IL2RB: variants seen among roughly 807,000 people sequenced by gnomAD.
IL2RB encodes interleukin-2 receptor subunit beta.
In IL2RB, 17 loss-of-function variants were observed where a neutral mutation model predicts 44.2. The observed-to-expected ratio is 0.38, with a 90% CI of 0.26 to 0.58. The LOEUF (loss-of-function observed/expected upper bound fraction) is 0.58, where lower values mean the gene tolerates loss of function less well. IL2RB is among the 20% of genes least tolerant of loss of function. IL2RB has a pLI of 0.63. For synonymous variants in IL2RB, 286 were observed against 297.9 expected (o/e 0.96, Z 0.41); for missense variants, 624 against 685.5 (o/e 0.91, Z 1.00).
At chr22:37,159,726 G>A (rs963621) in intron 1 of IL2RB, among the ~76,000 whole-genome samples, 64,420 of 151,982 alleles carry the variant, frequency 0.42, 13,997 homozygotes, top group East Asian at 0.61. Flanking sequence ...CAGAACGAAG[G>A]GGCTGAACTG....
chr22:37,157,837 G>A (rs115787516), intron 1 of IL2RB, among the ~76,000 whole-genome samples: 2 of 152,042 alleles, frequency 1.3e-5, no homozygotes, highest in South Asian at 2.1e-4. Context: ...CCTGACATAC[G>A]GACAGTGTCA....
chr22:37,159,901 C>A (rs1922802678), intron 1 of IL2RB, among the ~76,000 whole-genome samples: 1 of 152,234 alleles, frequency 6.6e-6, no homozygotes, highest in South Asian at 2.1e-4. Context: ...CAGCCCAAAG[C>A]CTTCTCCACC....
chr22:37,137,867 C>G, intron 5 of IL2RB, 132 bp from the exon 6 acceptor site: 2 of 720,068 alleles, frequency 2.8e-6, no homozygotes. Context: ...AGGACCCGCT[C>G]CCTCACTGCC....
At chr22:37,136,419 GCC>G (rs1921702620) in intron 6 of IL2RB, 26 bp from the exon 7 acceptor site, 1 of 1,589,652 alleles carries the variant, frequency 6.3e-7, no homozygotes, top group East Asian at 2.3e-5. Context: ...GACTGTCAGC[GCC>G]CACCTCACCT....
At chr22:37,170,352 C>T (rs2145743552) in intron 1 of IL2RB, among the ~76,000 whole-genome samples, 1 of 152,210 alleles carries the variant, frequency 6.6e-6, no homozygotes, top group East Asian at 1.9e-4. Flanking sequence ...AGGTGCAGGT[C>T]CCAAGACCTA....
intron 2 of IL2RB, 81 bp from the exon 3 acceptor site, chr22:37,143,716 G>A: frequency 2.0e-6 from 2 of 979,390 alleles, no homozygotes; most frequent in Non-Finnish European, 3.3e-6. Context: ...CCTGCACCTG[G>A]CACCCACACC....
rs202199075 is a variant in IL2RB at position 37,128,324 on chromosome 22, G to C, written c.1428C>G (p.Thr476=). 3.5e-4 allele frequency: 530 copies of C among 1,504,244 alleles called. 4 individuals carry two copies. The East Asian group carries it at 0.012, about 35-fold the overall frequency. The allele number at this position is 1,504,244 out of a possible 1,614,324, so 93.2% of individuals were successfully genotyped here. ...AATCCACCAGGTCTGGGACTCCTGG[G>C]GTGGGAGGCCCCAGGGGCTGGGGGT... ...DWDPQPLGPP[T]PGVPDLVDFQ... Residue 476 remains threonine, a synonymous_variant, in exon 10 of 10, where the codon ACC becomes ACG. Coordinates refer to ENST00000216223, the MANE Select transcript of IL2RB (RefSeq NM_000878.5). This position sits in a 1 kb window ranked among gnomAD's most constrained non-coding sequence, Gnocchi z 4.5.
At chr22:37,135,230 G>A in intron 8 of IL2RB, 98 bp downstream of exon 8, 1 of 784,050 alleles carries the variant, frequency 1.3e-6, no homozygotes, top group Non-Finnish European at 2.2e-6. Context: ...GTGTGTGTGT[G>A]TGTATGTGTG....
chr22:37,142,573 G>A (rs1427873904), intron 3 of IL2RB, 61 bp from the exon 4 acceptor site: 1 of 1,525,602 alleles, frequency 6.6e-7, no homozygotes, highest in Non-Finnish European at 9.1e-7. Flanking sequence ...TGGCCCAAGG[G>A]ACTCTTCTCA....
In IL2RB at chr22:37,128,573, A is replaced by G; in HGVS notation, c.1179T>C (p.Asp393=). 1.2e-6 allele frequency: 2 copies of G among 1,614,010 alleles called. No individual in the cohort carries two copies. Among genetic ancestry groups the G allele is most frequent in the Non-Finnish European group, 1.7e-6 (2 of 1,179,918 alleles). The change falls in exon 10 of 10, where the codon GAT becomes GAC. Residue 393 remains aspartate, a synonymous_variant. Transcript: ENST00000216223. This position sits in a 1 kb window ranked among gnomAD's most constrained non-coding sequence, Gnocchi z 4.5. ...CTGTGGGTGCCCCGGCCACACCCTC[A>G]TCAGGGTCTTCCTCTGAGTAGGGGT... ...TYDPYSEEDP[D]EGVAGAPTGS...
intron 5 of IL2RB, among the ~76,000 whole-genome samples, 199 bp from the exon 6 acceptor site, chr22:37,137,934 C>T (rs1206922830): frequency 6.6e-6 from 1 of 152,136 alleles, no homozygotes; most frequent in Non-Finnish European, 1.5e-5. Context: ...CCACTCACCA[C>T]TCTGCATCCC....
chr22:37,128,946 G>A lies in IL2RB; in HGVS notation c.904-98C>T. 1 of 1,389,384 alleles carries A rather than the reference G, an allele frequency of 7.2e-7. No homozygotes were observed. The highest frequency in any genetic ancestry group is 1.4e-5 in the African/African-American group (1 of 69,356). The allele number at this position is 1,389,384 out of a possible 1,614,324, so 86.1% of individuals were successfully genotyped here. On this transcript the variant is annotated intron_variant, in intron 9 of 9. Coordinates refer to ENST00000216223, the MANE Select transcript of IL2RB (RefSeq NM_000878.5). The surrounding 1 kb of genome is among the most constrained non-coding windows in gnomAD (Gnocchi z 4.5). The stretch of plus-strand genomic sequence containing the variant: ...ACAGCTCCTAACTCCTCCTCCTCCT[G>A]AAGCAGTTGGCCCAGGGCTGCCCCA...
intron 6 of IL2RB, among the ~76,000 whole-genome samples, chr22:37,136,938 T>C (rs1921736884): frequency 6.6e-6 from 1 of 152,236 alleles, no homozygotes; most frequent in Admixed American, 6.5e-5. Flanking sequence ...CAAGGGGCCT[T>C]CCCTGGTCAC....
chr22:37,150,681 C>T (rs1236045422), upstream of IL2RB, among the ~76,000 whole-genome samples: 1 of 152,078 alleles, frequency 6.6e-6, no homozygotes, highest in African/African-American at 2.4e-5. Flanking sequence ...CTTATTCATT[C>T]GATCTAATTC....
rs182346832 is a variant in IL2RB, at chr22:37,157,739, A to G, written c.-33-13534T>C. ...AGCCAGTTACCATATCTCATGTCAG[A>G]GCCTTGCTTATGAGTCTACACCAGG... On this transcript the variant is annotated intron_variant, in intron 1 of 5. Transcript: ENST00000429622. 1.6e-4 allele frequency among the ~76,000 whole-genome samples: 24 copies of G among 152,116 alleles called. 1 individual carries two copies. In the East Asian group the frequency reaches 4.5e-3, roughly 28 times the overall value.
rs918268507 is a variant in IL2RB at position 37,133,231 on chromosome 22, A to G, written c.819-763T>C. Among the ~76,000 whole-genome samples the G allele has an allele frequency of 3.9e-5, 6 of 152,296 alleles. No individual in the cohort carries two copies. The South Asian group carries it at 1.2e-3, about 32-fold the overall frequency. On this transcript the variant is annotated intron_variant, in intron 8 of 9. Coordinates refer to ENST00000216223, the MANE Select transcript of IL2RB (RefSeq NM_000878.5). The stretch of plus-strand genomic sequence containing the variant: ...GGGCAGTCTGGAGGCCACTGAACCC[A>G]TGCCTGGGAGAGGACCTCTCCCTCT...
intron 2 of IL2RB, 60 bp from the exon 3 acceptor site, chr22:37,143,695 C>T (rs935498917): frequency 3.0e-5 from 36 of 1,189,964 alleles, no homozygotes; most frequent in East Asian, 1.2e-4. Flanking sequence ...CCCCAAGACA[C>T]GCCCACTGCC....
intron 1 of IL2RB, among the ~76,000 whole-genome samples, chr22:37,159,374 C>T (rs1364423025): frequency 6.6e-6 from 1 of 152,110 alleles, no homozygotes; most frequent in Non-Finnish European, 1.5e-5. Flanking sequence ...CATGCTCTCA[C>T]TCAAGAGTGA....
chr22:37,143,918 T>TGTGTGTGTGTGC (rs1555897708), intron 2 of IL2RB, among the ~76,000 whole-genome samples, 167 bp downstream of exon 2: 4 of 108,458 alleles, frequency 3.7e-5, no homozygotes, highest in African/African-American at 2.0e-4. Flanking sequence ...TGTGTGTGTG[T>TGTGTGTGTGTGC]GCGCGCATTC....
Sources: gnomAD v4.1 joint callset for allele counts (sites outside exome capture counted in the v4.1 genomes callset) on GRCh38, gnomAD v4.1.1 for gene constraint, Gnocchi (gnomAD v3.1) non-coding constraint, MANE v1.5 for transcripts, NCBI Gene and HGNC (gene_info 2026-07-23, HGNC 2026-07-21) for gene names.